Variants in MAGI1 observed in about 807,000 individuals in gnomAD.
MAGI1 encodes membrane-associated guanylate kinase, WW and PDZ domain-containing protein 1.
In MAGI1, 58 loss-of-function variants were observed where a neutral mutation model predicts 139.9. That is an observed-to-expected ratio of 0.41 (90% confidence interval 0.34 to 0.52). The LOEUF is 0.52. MAGI1 is among the 20% of genes least tolerant of loss of function. MAGI1 has a pLI of 0.12. For missense variants in MAGI1, 1,874 were observed against 1,901.6 expected (o/e 0.99, Z 0.27); for synonymous variants, 812 against 737.9 (o/e 1.10, Z -1.63).
In MAGI1 at chr3:65,755,589, C is replaced by T. The variant is rs547968533; in HGVS notation, c.314-133501G>A. ...CAAGTGGTAGGAATTTACACATAGG[C>T]ATATAAAATGAATAAGTCTTCTAAG... On this transcript the variant is annotated intron_variant, in intron 1 of 22. Transcript: ENST00000402939. 5.8e-4 allele frequency among the ~76,000 whole-genome samples: 89 copies of T among 152,230 alleles called. No homozygotes were observed. In the Middle Eastern group the frequency reaches 0.014, roughly 23 times the overall value.
chr3:65,430,228 G>T, intron 11 of MAGI1, 88 bp from the exon 12 acceptor site: 2 of 1,327,472 alleles, frequency 1.5e-6, no homozygotes, highest in South Asian at 1.3e-5. Context: ...ACATAAAGCT[G>T]AACTGAAACT....
rs558285323 is a variant in MAGI1 at position 66,033,016 on chromosome 3, C to T, written c.313+4980G>A. 2.6e-5 allele frequency among the ~76,000 whole-genome samples: 4 copies of T among 151,356 alleles called. No homozygotes were observed. The South Asian group carries it at 8.5e-4, about 32-fold the overall frequency. ...AACAGGGTGAGGGAATGGCACTTTACTCAGGGAGCTATCTTTTGTGTGTGT... is the reference window on the plus strand; with the variant it reads ...AACAGGGTGAGGGAATGGCACTTTATTCAGGGAGCTATCTTTTGTGTGTGT... On this transcript the variant is annotated intron_variant, in intron 1 of 22. Coordinates refer to ENST00000402939, the MANE Select transcript of MAGI1 (RefSeq NM_001033057.2).
At chr3:65,423,005 C>G (rs753430204) in intron 12 of MAGI1, among the ~76,000 whole-genome samples, 40 of 152,076 alleles carry the variant, frequency 2.6e-4, no homozygotes, top group Non-Finnish European at 5.3e-4. Flanking sequence ...TGTTGCGAGG[C>G]CACTGCAAGG....
chr3:65,593,583 T>A (rs1225147959), intron 2 of MAGI1, among the ~76,000 whole-genome samples: 1 of 152,202 alleles, frequency 6.6e-6, no homozygotes, highest in Admixed American at 6.5e-5. Context: ...CATTTTCTAT[T>A]TTCAAAATGA....
intron 2 of MAGI1, among the ~76,000 whole-genome samples, chr3:65,617,611 T>C (rs1376123781): frequency 6.6e-6 from 1 of 152,152 alleles, no homozygotes; most frequent in African/African-American, 2.4e-5. Flanking sequence ...TTGACATTTT[T>C]CTTGTGTGCT....
At chr3:65,870,016 A>T (rs181061997) in intron 1 of MAGI1, among the ~76,000 whole-genome samples, 1 of 152,184 alleles carries the variant, frequency 6.6e-6, no homozygotes. Context: ...GCCATTGATT[A>T]CTACCCTCAA....
chr3:65,441,181 G>C (rs1042752913), intron 8 of MAGI1, among the ~76,000 whole-genome samples: 1 of 151,918 alleles, frequency 6.6e-6, no homozygotes, highest in Admixed American at 6.6e-5. Context: ...GGCTGGTCTC[G>C]AACTCCTGAC....
chr3:66,025,102 T>C (rs991101237), intron 1 of MAGI1, among the ~76,000 whole-genome samples: 2 of 152,204 alleles, frequency 1.3e-5, no homozygotes, highest in African/African-American at 4.8e-5. Flanking sequence ...ATGAGGGTAG[T>C]CATCAATATG....
At chr3:65,725,323 A>T (rs2033482188) in intron 1 of MAGI1, among the ~76,000 whole-genome samples, 1 of 152,136 alleles carries the variant, frequency 6.6e-6, no homozygotes, top group African/African-American at 2.4e-5. Flanking sequence ...CATCTGAAAA[A>T]CAGGGAGAGT....
chr3:65,850,902 T>C (rs549938727), intron 1 of MAGI1, among the ~76,000 whole-genome samples: 255 of 151,986 alleles, frequency 1.7e-3, no homozygotes, highest in Non-Finnish European at 3.0e-3. Flanking sequence ...AGGTCAGGAG[T>C]TCGAGACCAG....
At position 65,470,437 on chromosome 3, in the gene MAGI1, G is replaced by A. The variant is rs1355310402; in HGVS notation, c.805C>T (p.Pro269Ser). 1.2e-6 allele frequency: 2 copies of A among 1,613,518 alleles called. No homozygotes were observed. Among genetic ancestry groups the A allele is most frequent in the Non-Finnish European group, 1.7e-6 (2 of 1,179,856 alleles). The change falls in exon 5 of 23, where the codon CCA becomes TCA. Residue 269 changes from proline (P) to serine (S), a missense_variant. Coordinates refer to ENST00000402939, the MANE Select transcript of MAGI1 (RefSeq NM_001033057.2). ...EEHTLQETAL[P>S]PVNSSIIAAP... ...GCGATGATGCTACTATTCACAGGTG[G>A]TAATGCTGTTTCTTGGAGAGTGTGC...
intron 1 of MAGI1, among the ~76,000 whole-genome samples, chr3:65,968,486 TA>T (rs2064865286): frequency 6.6e-6 from 1 of 152,040 alleles, no homozygotes; most frequent in African/African-American, 2.4e-5. Flanking sequence ...AAAAGAGCTC[TA>T]AAATGTAGCT....
At chr3:65,919,749 G>C (rs1035333597) in intron 1 of MAGI1, among the ~76,000 whole-genome samples, 1 of 151,154 alleles carries the variant, frequency 6.6e-6, no homozygotes, top group South Asian at 2.1e-4. Flanking sequence ...TCCCCCATTC[G>C]AGGCTTTGTT....
At chr3:65,703,572 T>C (rs542359494) in intron 1 of MAGI1, among the ~76,000 whole-genome samples, 23 of 152,314 alleles carry the variant, frequency 1.5e-4, no homozygotes, top group Admixed American at 2.6e-4. Context: ...TCCAGCTGCC[T>C]CTTGGACACT....
intron 1 of MAGI1, among the ~76,000 whole-genome samples, chr3:65,871,822 T>C (rs1299613738): frequency 2.0e-5 from 3 of 152,342 alleles, no homozygotes; most frequent in Middle Eastern, 3.4e-3. Context: ...CAACTTTCCT[T>C]TCTCCCTAAC....
intron 1 of MAGI1, among the ~76,000 whole-genome samples, chr3:65,807,882 C>T (rs2040968200): frequency 6.6e-6 from 1 of 152,126 alleles, no homozygotes; most frequent in South Asian, 2.1e-4. Context: ...AGTAAATTAT[C>T]CAAGATCACA....
At chr3:65,567,657 G>A (rs1485710130) in intron 2 of MAGI1, among the ~76,000 whole-genome samples, 1 of 151,972 alleles carries the variant, frequency 6.6e-6, no homozygotes, top group Non-Finnish European at 1.5e-5. Flanking sequence ...GCCAACATGC[G>A]AAACCCCACC....
intron 1 of MAGI1, among the ~76,000 whole-genome samples, chr3:65,822,554 A>G (rs971777254): frequency 2.0e-5 from 3 of 152,116 alleles, no homozygotes; most frequent in Admixed American, 2.0e-4. Flanking sequence ...AATAATAAAT[A>G]AATAAAAAGA....
intron 1 of MAGI1, among the ~76,000 whole-genome samples, chr3:65,831,452 T>C (rs1040729395): frequency 6.6e-6 from 1 of 152,186 alleles, no homozygotes; most frequent in Non-Finnish European, 1.5e-5. Flanking sequence ...AGAGCAGAAG[T>C]ATAGAGATAA....
Sources: allele counts gnomAD v4.1 joint callset (sites outside exome capture counted in the v4.1 genomes callset), GRCh38; gene constraint gnomAD v4.1.1; transcripts MANE v1.5; gene names NCBI Gene and HGNC (gene_info 2026-07-23, HGNC 2026-07-21).